The following ZC3H13 variants were observed in gnomAD, a reference collection of about 807,000 sequenced individuals.
The protein encoded by ZC3H13 is zinc finger CCCH domain-containing protein 13.
ZC3H13 carries 64 observed loss-of-function variants against 204.1 expected under a neutral mutation model. That is an observed-to-expected ratio of 0.31 (90% confidence interval 0.26 to 0.39). The LOEUF (loss-of-function observed/expected upper bound fraction) is 0.39, where lower values mean the gene tolerates loss of function less well. ZC3H13 is among the 10% of genes least tolerant of loss of function. The pLI, the probability that ZC3H13 is intolerant of heterozygous loss-of-function variation, is 1.00. For synonymous variants in ZC3H13, 667 were observed against 693.7 expected (o/e 0.96, Z 0.60); for missense variants, 1,833 against 2,082.7 (o/e 0.88, Z 2.33).
At chr13:45,977,608 G>C (rs1252186291) in intron 11 of ZC3H13, among the ~76,000 whole-genome samples, 2 of 152,092 alleles carry the variant, frequency 1.3e-5, no homozygotes, top group Non-Finnish European at 2.9e-5. Flanking sequence ...TCTCTGGGTT[G>C]TCTAAGCCTC....
chr13:46,005,993 G>T (rs1049887552), intron 7 of ZC3H13, among the ~76,000 whole-genome samples: 8 of 151,850 alleles, frequency 5.3e-5, no homozygotes, highest in African/African-American at 1.9e-4. Context: ...TACTCAGGAG[G>T]CTGAGGCAGA....
At chr13:46,035,360 T>C (rs1310195399) in intron 4 of ZC3H13, among the ~76,000 whole-genome samples, 2 of 152,178 alleles carry the variant, frequency 1.3e-5, no homozygotes. Flanking sequence ...TTTGAGCACA[T>C]AATAAATGGT....
At position 45,968,045 on chromosome 13, in the gene ZC3H13, A is replaced by AGT; in HGVS notation, c.3797-18_3797-17insAC. ...CCTGGCGATCTAAAATAAATATACC[A>AGT]TATATAAAGAGTTATTAGCACATGA... On this transcript the variant is annotated splice_polypyrimidine_tract_variant and intron_variant, in intron 14 of 18. Transcript: ENST00000679008. 2 of 1,547,572 alleles carry AGT rather than the reference A, an allele frequency of 1.3e-6. No individual in the cohort carries two copies. Among genetic ancestry groups the AGT allele is most frequent in the Non-Finnish European group, 8.7e-7 (1 of 1,153,364 alleles).
chr13:45,962,045 C>T (rs1211052138), intron 17 of ZC3H13: 3 of 446,916 alleles, frequency 6.7e-6, no homozygotes, highest in East Asian at 3.2e-4. Context: ...TGTTGGTACA[C>T]TTGAATAGAC....
intron 7 of ZC3H13, among the ~76,000 whole-genome samples, chr13:46,006,110 C>T (rs1013824556): frequency 1.3e-5 from 2 of 149,366 alleles, no homozygotes; most frequent in Non-Finnish European, 3.0e-5. Context: ...AGTTGTTCAA[C>T]CTGGCACCAA....
chr13:46,052,709 G>A lies in ZC3H13; in HGVS notation c.-315C>T, dbSNP rs1239671532. 2.5e-6 allele frequency: 1 copy of A among 398,402 alleles called. No homozygotes were observed. The highest frequency in any genetic ancestry group is 4.4e-5 in the Admixed American group (1 of 22,708). The allele number at this position is 398,402 out of a possible 1,614,324, so 24.7% of individuals were successfully genotyped here. On this transcript the variant is annotated 5_prime_UTR_variant, in exon 1 of 19. Transcript: ENST00000679008. ...AACAAAAACACTACCAGGCCGCTAG[G>A]AGGACCGCCTCAAAATGCCGCCGGA...
chr13:45,988,648 C>A (rs546206687), intron 9 of ZC3H13, 139 bp downstream of exon 9: 57 of 840,410 alleles, frequency 6.8e-5, no homozygotes, highest in Non-Finnish European at 9.8e-5. Context: ...TGTTGTTAAG[C>A]ATCTCCTATT....
At chr13:46,022,659 TGAA>T (rs2042290147) in intron 4 of ZC3H13, among the ~76,000 whole-genome samples, 1 of 151,984 alleles carries the variant, frequency 6.6e-6, no homozygotes. Flanking sequence ...TTGAAATACT[TGAA>T]GAACCACAGT....
chr13:46,047,502 C>A (rs2044052050), intron 1 of ZC3H13, among the ~76,000 whole-genome samples: 1 of 152,206 alleles, frequency 6.6e-6, no homozygotes, highest in Non-Finnish European at 1.5e-5. Flanking sequence ...ATAAGATAAT[C>A]TTTGATTTAA....
At chr13:45,974,612 C>T (rs1952860454) in intron 12 of ZC3H13, among the ~76,000 whole-genome samples, 1 of 152,132 alleles carries the variant, frequency 6.6e-6, no homozygotes, top group African/African-American at 2.4e-5. Flanking sequence ...AAGACACTTC[C>T]TTTTCTCTCA....
intron 8 of ZC3H13, among the ~76,000 whole-genome samples, chr13:45,993,506 GA>G (rs2040113445): frequency 6.6e-6 from 1 of 152,218 alleles, no homozygotes; most frequent in Non-Finnish European, 1.5e-5. Context: ...CACAATTTAT[GA>G]GAGAACAGAG....
intron 8 of ZC3H13, among the ~76,000 whole-genome samples, chr13:45,999,950 C>A (rs140392177): frequency 6.6e-6 from 1 of 152,304 alleles, no homozygotes; most frequent in East Asian, 1.9e-4. Flanking sequence ...TAAACAGGCA[C>A]ATCATAAACA....
intron 8 of ZC3H13, among the ~76,000 whole-genome samples, chr13:46,001,974 A>G (rs1483559053): frequency 6.6e-6 from 1 of 151,848 alleles, no homozygotes; most frequent in South Asian, 2.1e-4. Flanking sequence ...CAACATATGG[A>G]ATAGGAAAAA....
chr13:45,963,789 T>C (rs1217516264), intron 17 of ZC3H13, 53 bp downstream of exon 17: 1 of 1,608,412 alleles, frequency 6.2e-7, no homozygotes, highest in Admixed American at 1.7e-5. Flanking sequence ...CCCCTTCAGA[T>C]GGCATCTTAA....
At position 46,003,270 on chromosome 13, in the gene ZC3H13, T is replaced by C. The variant is rs1253307514; in HGVS notation, c.813A>G (p.Pro271=). The change falls in exon 8 of 19, where the codon CCA becomes CCG. Residue 271 remains proline (P), a synonymous_variant. Coordinates refer to ENST00000679008, the MANE Select transcript of ZC3H13 (RefSeq NM_001330564.2). ...ATTTTTTCCCCAGAGCGATATCTTC[T>C]GGTATAGGAGGGGGTGGACTAGGAG... The part of the protein sequence containing the change: ...PRTPSPPPPI[P]EDIALGKKYK... 5 of 1,613,116 alleles carry C rather than the reference T, an allele frequency of 3.1e-6. No individual in the cohort carries two copies. The highest frequency in any genetic ancestry group is 1.1e-5 in the South Asian group (1 of 90,738).
intron 8 of ZC3H13, among the ~76,000 whole-genome samples, chr13:45,993,257 C>T (rs1244970603): frequency 6.6e-6 from 1 of 152,112 alleles, no homozygotes; most frequent in Non-Finnish European, 1.5e-5. Context: ...AGTTTAAAAA[C>T]AATCTACATG....
chr13:45,962,116 G>GTT, intron 17 of ZC3H13: 3 of 944,604 alleles, frequency 3.2e-6, no homozygotes, highest in Non-Finnish European at 3.8e-6. Context: ...AACCTACTAT[G>GTT]TATGTCAGGC....
At chr13:45,994,511 G>T (rs982196886) in intron 8 of ZC3H13, among the ~76,000 whole-genome samples, 1 of 152,164 alleles carries the variant, frequency 6.6e-6, no homozygotes, top group African/African-American at 2.4e-5. Flanking sequence ...ATGAAACGTG[G>T]TTCAAGGTAA....
chr13:46,052,230 G>A (rs1385474168), intron 1 of ZC3H13, among the ~76,000 whole-genome samples, 174 bp downstream of exon 1: 1 of 151,702 alleles, frequency 6.6e-6, no homozygotes, highest in Middle Eastern at 3.2e-3. Flanking sequence ...TAATCAGAGT[G>A]AGAAATTACG....
Sources: gnomAD v4.1 joint callset for allele counts (sites outside exome capture counted in the v4.1 genomes callset) on GRCh38, gnomAD v4.1.1 for gene constraint, MANE v1.5 for transcripts, NCBI Gene and HGNC (gene_info 2026-07-23, HGNC 2026-07-21) for gene names.